XKR4: variants seen among roughly 807,000 people sequenced by gnomAD.
The protein encoded by XKR4 is XK-related protein 4.
Under a neutral mutation model 53.9 loss-of-function variants are expected in XKR4, and 12 were observed. The ratio of observed to expected loss-of-function variants is 0.22; its 90% CI spans 0.14 to 0.36. XKR4 has a LOEUF of 0.36. Ranked by LOEUF, XKR4 falls within the 10% of genes least tolerant of loss-of-function variation. The pLI is 1.00. For synonymous variants in XKR4, 354 were observed against 362.4 expected, an observed-to-expected ratio of 0.98 and a Z score of 0.26; for missense variants, 799 against 859.5, an observed-to-expected ratio of 0.93 and a Z score of 0.88.
chr8:55,395,584 G>A lies in XKR4; in HGVS notation c.1006+37707G>A, dbSNP rs144676406. Among the ~76,000 whole-genome samples the A allele has an allele frequency of 1.7e-4, 26 of 152,238 alleles. No individual in the cohort carries two copies. In the East Asian group the frequency reaches 4.8e-3, roughly 28 times the overall value. On this transcript the variant is annotated intron_variant, in intron 2 of 2. Coordinates refer to ENST00000327381, the MANE Select transcript of XKR4 (RefSeq NM_052898.2). Reference sequence around the variant, plus strand: ...AGATAGGTGATGGGAAATCAGTGAGGGTCTTTGAGAGGAGAATGGCCTGTC... The same window carrying A: ...AGATAGGTGATGGGAAATCAGTGAGAGTCTTTGAGAGGAGAATGGCCTGTC...
At chr8:55,126,835 G>A (rs1242133425) in intron 1 of XKR4, among the ~76,000 whole-genome samples, 1 of 152,210 alleles carries the variant, frequency 6.6e-6, no homozygotes, top group African/African-American at 2.4e-5. Context: ...ACCACGATTA[G>A]AGAATTCAAG....
intron 1 of XKR4, among the ~76,000 whole-genome samples, chr8:55,251,116 GT>G (rs1464887402): frequency 5.5e-4 from 84 of 152,364 alleles, no homozygotes; most frequent in African/African-American, 1.9e-3. Flanking sequence ...CGTAAGTACA[GT>G]TACAGGTGTA....
chr8:55,507,721 G>C (rs1469499088), intron 2 of XKR4, among the ~76,000 whole-genome samples: 1 of 152,094 alleles, frequency 6.6e-6, no homozygotes, highest in Non-Finnish European at 1.5e-5. Context: ...GTGTATATGT[G>C]CCACATTTTC....
rs368561232 is a variant in XKR4, at chr8:55,514,171, TGAA to T, written c.1007-9105_1007-9103del. On this transcript the variant is annotated intron_variant, in intron 2 of 2. Coordinates refer to ENST00000327381, the MANE Select transcript of XKR4 (RefSeq NM_052898.2). ...TGTAAAATGGACAAAAAATTTACAT[TGAA>T]GAAGTAGTGCTGTGAGAAATAAATG... is the stretch of plus-strand genomic sequence containing the variant. Among the ~76,000 whole-genome samples, 56 of 152,228 alleles carry T rather than the reference TGAA, an allele frequency of 3.7e-4. 1 individual carries two copies. The highest frequency in any genetic ancestry group is 1.3e-3 in the African/African-American group (55 of 41,536).
At position 55,102,167 on chromosome 8, in the gene XKR4, G is replaced by C. The variant is rs915005848; in HGVS notation, c.-322G>C. Among the ~76,000 whole-genome samples, 2 of 148,952 alleles carry C rather than the reference G, an allele frequency of 1.3e-5. No individual in the cohort carries two copies. Among genetic ancestry groups the C allele is most frequent in the East Asian group, 2.0e-4 (1 of 5,084 alleles). On this transcript the variant is annotated 5_prime_UTR_variant, in exon 1 of 3. Transcript: ENST00000327381. The surrounding 1 kb of genome is among the most constrained non-coding windows in gnomAD (Gnocchi z 5.1). Reference sequence around the variant, plus strand: ...CTGCTGCTGGCGGCGGCGGCGGCTCGGGCGGCAGCAGCGAAGCCGGGACGG... The same window carrying C: ...CTGCTGCTGGCGGCGGCGGCGGCTCCGGCGGCAGCAGCGAAGCCGGGACGG...
At chr8:55,323,242 T>G (rs1803241688) in intron 1 of XKR4, among the ~76,000 whole-genome samples, 1 of 152,132 alleles carries the variant, frequency 6.6e-6, no homozygotes, top group African/African-American at 2.4e-5. Flanking sequence ...TGGTGTAGAG[T>G]TCTATGAGTT....
At chr8:55,402,492 C>T (rs1804615312) in intron 2 of XKR4, among the ~76,000 whole-genome samples, 1 of 152,246 alleles carries the variant, frequency 6.6e-6, no homozygotes, top group African/African-American at 2.4e-5. Flanking sequence ...CACAAGGCCA[C>T]ACTTCTTAGA....
At chr8:55,451,609 C>A (rs1378416170) in intron 2 of XKR4, 3 of 1,462,882 alleles carry the variant, frequency 2.1e-6, no homozygotes, top group South Asian at 1.3e-5. Context: ...AACGGTGAAG[C>A]GGTTCTGGCG....
rs1034013857 is a variant in XKR4 at position 55,525,941 on chromosome 8, G to T, written c.*1714G>T. On this transcript the variant is annotated 3_prime_UTR_variant, in exon 3 of 3. Coordinates refer to ENST00000327381, the MANE Select transcript of XKR4 (RefSeq NM_052898.2). ...GGTGCCCCCAGGAACCTGGCCAGGGGTGCTATCAGAATATCAGGTGAAGAG... is the reference window on the plus strand; with the variant it reads ...GGTGCCCCCAGGAACCTGGCCAGGGTTGCTATCAGAATATCAGGTGAAGAG... 9 of 152,598 alleles carry T rather than the reference G, an allele frequency of 5.9e-5. No homozygotes were observed. The highest frequency in any genetic ancestry group is 2.6e-4 in the Admixed American group (4 of 15,270). 9.5% of individuals were successfully genotyped at this position (152,598 alleles called of 1,614,324 possible). A position where few individuals can be genotyped will look rare whatever the true frequency, so the allele number is the denominator to read the frequency against.
chr8:55,475,938 G>C (rs539724107), intron 2 of XKR4, among the ~76,000 whole-genome samples: 2 of 152,032 alleles, frequency 1.3e-5, no homozygotes, highest in South Asian at 4.2e-4. Flanking sequence ...GTAGACACAG[G>C]GTTTTGCCAA....
chr8:55,204,009 GTTTT>G (rs1245119232), intron 1 of XKR4, among the ~76,000 whole-genome samples: 2 of 151,988 alleles, frequency 1.3e-5, no homozygotes, highest in Non-Finnish European at 2.9e-5. Context: ...TTTGCTTTTT[GTTTT>G]TTGTTTGTTC....
rs181668980 is a variant in XKR4, at chr8:55,348,115, G to A, written c.807-9563G>A. Among the ~76,000 whole-genome samples, 5 of 152,218 alleles carry A rather than the reference G, an allele frequency of 3.3e-5. No homozygotes were observed. The East Asian group carries it at 5.8e-4, about 18-fold the overall frequency. On this transcript the variant is annotated intron_variant, in intron 1 of 2. Transcript: ENST00000327381. ...CGTCTTCTCCTCTGGAAGGTCAGTC[G>A]AAGCCCAGATACTGATTAACAGACT... is the stretch of plus-strand genomic sequence containing the variant.
At chr8:55,387,376 C>A (rs920826885) in intron 2 of XKR4, among the ~76,000 whole-genome samples, 2 of 152,208 alleles carry the variant, frequency 1.3e-5, no homozygotes, top group Non-Finnish European at 2.9e-5. Flanking sequence ...TTTGACAGTG[C>A]CCTTAGGCAT....
At chr8:55,505,984 A>C (rs1806520671) in intron 2 of XKR4, among the ~76,000 whole-genome samples, 1 of 152,246 alleles carries the variant, frequency 6.6e-6, no homozygotes, top group Non-Finnish European at 1.5e-5. Flanking sequence ...AAGAGCTGTC[A>C]TATGTGGTCA....
chr8:55,109,097 G>C (rs1471059677), intron 1 of XKR4, among the ~76,000 whole-genome samples: 1 of 152,148 alleles, frequency 6.6e-6, no homozygotes, highest in Non-Finnish European at 1.5e-5. Flanking sequence ...TATAGGAAGA[G>C]ATTTTGAATT....
intron 2 of XKR4, among the ~76,000 whole-genome samples, chr8:55,390,059 G>C (rs566650846): frequency 2.6e-4 from 40 of 152,296 alleles, no homozygotes; most frequent in African/African-American, 9.4e-4. Flanking sequence ...TTAACAAATG[G>C]AAACTGGCCC....
chr8:55,108,967 A>G (rs1346599726), intron 1 of XKR4, among the ~76,000 whole-genome samples: 1 of 152,144 alleles, frequency 6.6e-6, no homozygotes, highest in Non-Finnish European at 1.5e-5. Flanking sequence ...GGTACTGAGG[A>G]TGATGAGGTA....
chr8:55,165,683 T>C (rs1817055690), intron 1 of XKR4, among the ~76,000 whole-genome samples: 1 of 151,788 alleles, frequency 6.6e-6, no homozygotes. Context: ...CGGGTGCCTG[T>C]AGTCCCAGCT....
In XKR4 at chr8:55,537,680, A is replaced by G. The variant is rs927622016; in HGVS notation, c.*13453A>G. ...TTAGAATGTCTTTATGGGGAAGGCA[A>G]TAAAGTTACTTGTTGGGTCCTTCCT... On this transcript the variant is annotated 3_prime_UTR_variant, in exon 3 of 3. Coordinates refer to ENST00000327381, the MANE Select transcript of XKR4 (RefSeq NM_052898.2). The G allele has an allele frequency of 1.3e-5, 2 of 152,194 alleles. No homozygotes were observed. The highest frequency in any genetic ancestry group is 1.3e-4 in the Admixed American group (2 of 15,276). The allele number at this position is 152,194 out of a possible 1,614,324, so 9.4% of individuals were successfully genotyped here.
Sources: gnomAD v4.1 joint callset for allele counts (sites outside exome capture counted in the v4.1 genomes callset) on GRCh38, gnomAD v4.1.1 for gene constraint, Gnocchi (gnomAD v3.1) non-coding constraint, MANE v1.5 for transcripts, NCBI Gene and HGNC (gene_info 2026-07-23, HGNC 2026-07-21) for gene names.